DGKB: variants seen among roughly 807,000 people sequenced by gnomAD.
DGKB encodes diacylglycerol kinase beta.
Under a neutral mutation model 114.3 loss-of-function variants are expected in DGKB, and 67 were observed. The observed-to-expected ratio is 0.59, with a 90% CI of 0.48 to 0.72. DGKB has a LOEUF of 0.72. Among genes scored for constraint, DGKB ranks in the 30% least tolerant of loss-of-function variants. The pLI is 0.00. For synonymous variants in DGKB, 398 were observed against 323.1 expected (o/e 1.23, Z -2.49); for missense variants, 907 against 975.2 (o/e 0.93, Z 0.93).
At chr7:14,384,750 G>A (rs1464490005) in intron 21 of DGKB, among the ~76,000 whole-genome samples, 2 of 152,192 alleles carry the variant, frequency 1.3e-5, no homozygotes, top group Non-Finnish European at 2.9e-5. Flanking sequence ...AGAGACATCT[G>A]GTAATATGTA....
At chr7:14,524,489 C>A (rs916706415) in intron 20 of DGKB, among the ~76,000 whole-genome samples, 1 of 152,192 alleles carries the variant, frequency 6.6e-6, no homozygotes, top group Non-Finnish European at 1.5e-5. Flanking sequence ...GGCGCAGTGG[C>A]TCATGCCTGT....
intron 3 of DGKB, among the ~76,000 whole-genome samples, chr7:14,755,935 T>G (rs1171441906): frequency 6.6e-6 from 1 of 152,082 alleles, no homozygotes; most frequent in Non-Finnish European, 1.5e-5. Context: ...CAACAATAGA[T>G]CTGTACATTT....
chr7:14,334,422 A>T (rs1810324557), intron 23 of DGKB, among the ~76,000 whole-genome samples: 1 of 150,872 alleles, frequency 6.6e-6, no homozygotes, highest in East Asian at 1.9e-4. Flanking sequence ...GGGTATGTAT[A>T]ACTATCTATA....
chr7:14,779,977 C>A (rs1391695430), intron 2 of DGKB, among the ~76,000 whole-genome samples: 1 of 152,062 alleles, frequency 6.6e-6, no homozygotes, highest in Non-Finnish European at 1.5e-5. Context: ...ATTTGTATTC[C>A]TCCATGGAGA....
rs560743791 is a variant in DGKB, at chr7:14,482,789, T to G, written c.1771-4564A>C. ...TGACAATCATTACCTGAATATACTA[T>G]GTATATAAGGCACTATTTTCACCTG... On this transcript the variant is annotated intron_variant, in intron 20 of 25. Transcript: ENST00000402815. Among the ~76,000 whole-genome samples the G allele has an allele frequency of 7.9e-5, 12 of 152,208 alleles. No individual in the cohort carries two copies. In the South Asian group the frequency reaches 2.5e-3, roughly 32 times the overall value.
intron 21 of DGKB, among the ~76,000 whole-genome samples, chr7:14,371,252 C>T (rs1396468955): frequency 6.6e-6 from 1 of 152,120 alleles, no homozygotes; most frequent in Non-Finnish European, 1.5e-5. Context: ...AAGCTGCTTT[C>T]CACAGTGGAT....
At chr7:14,863,800 A>C (rs1851321026) in intron 1 of DGKB, among the ~76,000 whole-genome samples, 1 of 151,994 alleles carries the variant, frequency 6.6e-6, no homozygotes, top group Admixed American at 6.6e-5. Context: ...ATTAAAAAAA[A>C]ATTAACTTAA....
At chr7:14,684,857 C>T (rs923267473) in intron 10 of DGKB, among the ~76,000 whole-genome samples, 1 of 151,542 alleles carries the variant, frequency 6.6e-6, no homozygotes, top group African/African-American at 2.4e-5. Context: ...GGAATCAACT[C>T]ATTATAAGAT....
intron 21 of DGKB, among the ~76,000 whole-genome samples, chr7:14,453,855 G>C (rs1374453870): frequency 1.3e-5 from 2 of 152,116 alleles, no homozygotes; most frequent in African/African-American, 4.8e-5. Flanking sequence ...AGTAAGCAGA[G>C]GGCCAGAACT....
chr7:14,725,839 C>T (rs1316043652), intron 5 of DGKB, among the ~76,000 whole-genome samples: 3 of 151,986 alleles, frequency 2.0e-5, no homozygotes, highest in Admixed American at 6.6e-5. Flanking sequence ...TGAGCAACCA[C>T]GCGCAACCAA....
At chr7:14,917,486 C>A (rs890482484) in intron 1 of DGKB, among the ~76,000 whole-genome samples, 30 of 151,926 alleles carry the variant, frequency 2.0e-4, no homozygotes, top group Middle Eastern at 3.4e-3. Context: ...TAAAGAAATG[C>A]TATACACAAC....
chr7:14,147,121 C>CA lies in DGKB; in HGVS notation c.*2009dup, dbSNP rs955096655. ...TATTTATTACCTGCAACCATAGATA[C>CA]AAAAAATCAATGTGTGTGTTACGTA... On this transcript the variant is annotated 3_prime_UTR_variant, in exon 26 of 26. Transcript: ENST00000402815. 10 of 152,220 alleles carry CA rather than the reference C, an allele frequency of 6.6e-5. No individual in the cohort carries two copies. The highest frequency in any genetic ancestry group is 1.4e-4 in the African/African-American group (6 of 41,558). The allele number at this position is 152,220 out of a possible 1,614,324, so 9.4% of individuals were successfully genotyped here.
At chr7:14,764,134 AC>A (rs1266073279) in intron 2 of DGKB, among the ~76,000 whole-genome samples, 1 of 151,890 alleles carries the variant, frequency 6.6e-6, no homozygotes. Flanking sequence ...AACTATATTA[AC>A]CCTGTAGTAG....
chr7:14,201,715 A>T (rs1785921673), intron 23 of DGKB, among the ~76,000 whole-genome samples: 1 of 151,994 alleles, frequency 6.6e-6, no homozygotes, highest in Admixed American at 6.6e-5. Flanking sequence ...ATCCACATGG[A>T]GCTCTCTATA....
At chr7:14,808,289 A>G (rs1296278036) in intron 2 of DGKB, among the ~76,000 whole-genome samples, 1 of 152,094 alleles carries the variant, frequency 6.6e-6, no homozygotes, top group Non-Finnish European at 1.5e-5. Context: ...TGAAGCAAAT[A>G]AGTTTTTACA....
At chr7:14,947,565 C>T (rs1368015367) in intron 1 of DGKB, among the ~76,000 whole-genome samples, 3 of 71,500 alleles carry the variant, frequency 4.2e-5, no homozygotes, top group African/African-American at 2.2e-4. Context: ...TTAAATGATA[C>T]TCATAGGAGA....
At chr7:14,574,163 G>A in intron 20 of DGKB, 49 bp downstream of exon 20, 1 of 1,422,690 alleles carries the variant, frequency 7.0e-7, no homozygotes, top group Non-Finnish European at 9.5e-7. Flanking sequence ...TTTTCTCACT[G>A]TGATTATACA....
At chr7:14,304,098 C>CTCTCTCTT (rs1804057787) in intron 23 of DGKB, among the ~76,000 whole-genome samples, 1 of 151,212 alleles carries the variant, frequency 6.6e-6, no homozygotes, top group South Asian at 2.1e-4. Flanking sequence ...CTCTCTCTCT[C>CTCTCTCTT]TCACCCCTAC....
intron 21 of DGKB, among the ~76,000 whole-genome samples, chr7:14,418,011 G>T (rs566671823): frequency 1.3e-5 from 2 of 151,024 alleles, no homozygotes; most frequent in Non-Finnish European, 3.0e-5. Flanking sequence ...GTCATCATTT[G>T]CTTATTAATA....
Sources: allele counts gnomAD v4.1 joint callset (sites outside exome capture counted in the v4.1 genomes callset), GRCh38; gene constraint gnomAD v4.1.1; transcripts MANE v1.5; gene names NCBI Gene and HGNC (gene_info 2026-07-23, HGNC 2026-07-21).